PCDHGB1: variants seen among roughly 807,000 people sequenced by gnomAD.
PCDHGB1 encodes protocadherin gamma subfamily B, 1.
Under a neutral mutation model 56.6 loss-of-function variants are expected in PCDHGB1, and 34 were observed. The observed-to-expected ratio is 0.60, with a 90% CI of 0.46 to 0.80. The LOEUF (loss-of-function observed/expected upper bound fraction) is 0.80. PCDHGB1 is among the 30% of genes least tolerant of loss of function. The pLI, the probability that PCDHGB1 is intolerant of heterozygous loss-of-function variation, is 0.00. For synonymous variants in PCDHGB1, 561 were observed against 505.9 expected (o/e 1.11, Z -1.46); for missense variants, 1,278 against 1,204.6 (o/e 1.06, Z -0.90).
rs778052844 is a variant in PCDHGB1, at chr5:141,486,259, T to C, written c.2410-8548T>C. ...CAGAGCTTGGAACCCTCCCCGAGAG[T>C]GCAGAACCTGGCACTGTGGTGGCAC... is the stretch of plus-strand genomic sequence containing the variant. On this transcript the variant is annotated intron_variant, in intron 1 of 3. Coordinates refer to ENST00000523390, the MANE Select transcript of PCDHGB1 (RefSeq NM_018922.3). This position sits in a 1 kb window ranked among gnomAD's most constrained non-coding sequence, Gnocchi z 5.0. 1 of 1,613,204 alleles carries C rather than the reference T, an allele frequency of 6.2e-7. No individual in the cohort carries two copies. The highest frequency in any genetic ancestry group is 8.5e-7 in the Non-Finnish European group (1 of 1,179,716).
At chr5:141,471,492 G>A (rs912591449) in intron 1 of PCDHGB1, 1 of 152,176 alleles carries the variant, frequency 6.6e-6, no homozygotes, top group Non-Finnish European at 1.5e-5. Context: ...GGAATTTAGG[G>A]AATGCAAGAG....
intron 1 of PCDHGB1, among the ~76,000 whole-genome samples, chr5:141,467,414 C>A (rs1410743140): frequency 6.6e-5 from 10 of 152,168 alleles, no homozygotes; most frequent in African/African-American, 1.2e-4. Flanking sequence ...CCTTTCCCCA[C>A]ACCTAGGTTA....
Position 141,491,722 on chromosome 5 carries a change from CG to C in PCDHGB1, c.2410-3082del. Reference sequence around the variant, plus strand: ...CCAGGTGAGGGGCTCGGCGCCGCCCCGGGCGACCCCTGGGGGCGGCACTGGA... The same window carrying C: ...CCAGGTGAGGGGCTCGGCGCCGCCCCGGCGACCCCTGGGGGCGGCACTGGA... On this transcript the variant is annotated intron_variant, in intron 1 of 3. Transcript: ENST00000523390. The surrounding 1 kb of genome is among the most constrained non-coding windows in gnomAD (Gnocchi z 6.9). The C allele has an allele frequency of 1.2e-6, 2 of 1,607,004 alleles. No homozygotes were observed. Among genetic ancestry groups the C allele is most frequent in the Non-Finnish European group, 1.7e-6 (2 of 1,177,148 alleles).
At chr5:141,425,209 A>G (rs2096861765) in intron 1 of PCDHGB1, among the ~76,000 whole-genome samples, 1 of 152,180 alleles carries the variant, frequency 6.6e-6, no homozygotes, top group African/African-American at 2.4e-5. Context: ...GATGTAAGGC[A>G]TTGTACTTTG....
rs576464275 is a variant in PCDHGB1, at chr5:141,448,784, CA to C, written c.2410-46012del. ...TGAAACCCCGTCTGTACTAAAAATA[CA>C]AAAAAAAAAATTAGCCAGGCGTGAT... On this transcript the variant is annotated intron_variant, in intron 1 of 3. Coordinates refer to ENST00000523390, the MANE Select transcript of PCDHGB1 (RefSeq NM_018922.3). Among the ~76,000 whole-genome samples, 323 of 145,522 alleles carry C rather than the reference CA, an allele frequency of 2.2e-3. 2 individuals are homozygous for C. The highest frequency in any genetic ancestry group is 5.9e-3 in the African/African-American group (238 of 40,012).
In PCDHGB1 at chr5:141,460,999, G is replaced by GTA. The variant is rs1350972422; in HGVS notation, c.2410-33797_2410-33796dup. Reference sequence around the variant, plus strand: ...TGTGTGTGTGTATATATATATATGTGTATATATATATACCACATTTTCTTT... The same window carrying GTA: ...TGTGTGTGTGTATATATATATATGTGTATATATATATATACCACATTTTCTTT... On this transcript the variant is annotated intron_variant, in intron 1 of 3. Coordinates refer to ENST00000523390, the MANE Select transcript of PCDHGB1 (RefSeq NM_018922.3). Among the ~76,000 whole-genome samples, 54 of 149,566 alleles carry GTA rather than the reference G, an allele frequency of 3.6e-4. No homozygotes were observed. The South Asian group carries it at 4.2e-3, about 12-fold the overall frequency.
chr5:141,350,124 G>A lies in PCDHGB1; in HGVS notation c.-137G>A. On this transcript the variant is annotated 5_prime_UTR_variant, in exon 1 of 4. Coordinates refer to ENST00000523390, the MANE Select transcript of PCDHGB1 (RefSeq NM_018922.3). The stretch of plus-strand genomic sequence containing the variant: ...GCCTTCCTGCTTTGTCCGGTGCACT[G>A]AGCACAGACGCTGCTCCTGTTCACC... The A allele has an allele frequency of 1.5e-6, 1 of 668,454 alleles. No homozygotes were observed. Among genetic ancestry groups the A allele is most frequent in the Non-Finnish European group, 2.3e-6 (1 of 442,736 alleles). The allele number at this position is 668,454 out of a possible 1,614,324, so 41.4% of individuals were successfully genotyped here.
chr5:141,387,670 C>T, intron 1 of PCDHGB1: 1 of 694,130 alleles, frequency 1.4e-6, no homozygotes, highest in Non-Finnish European at 2.3e-6. Flanking sequence ...CGCTCCAGAT[C>T]TCCTCGCGCA....
chr5:141,450,220 G>A (rs898186696), intron 1 of PCDHGB1, among the ~76,000 whole-genome samples: 12 of 151,956 alleles, frequency 7.9e-5, no homozygotes, highest in African/African-American at 2.9e-4. Flanking sequence ...GTTTCACTAT[G>A]TTGGCCAGGC....
intron 1 of PCDHGB1, chr5:141,372,113 G>T (rs1466708600): frequency 1.9e-6 from 3 of 1,613,786 alleles, no homozygotes; most frequent in Non-Finnish European, 2.5e-6. Flanking sequence ...AAGGCTCTGC[G>T]CTCTTCGATA....
At chr5:141,478,283 T>C (rs755297808) in intron 1 of PCDHGB1, 2 of 1,614,148 alleles carry the variant, frequency 1.2e-6, no homozygotes, top group South Asian at 2.2e-5. Context: ...GTGGAAGCAG[T>C]CTAGAGACCT....
rs367698678 is a variant in PCDHGB1 at position 141,374,080 on chromosome 5, A to G, written c.2409+21411A>G. The G allele has an allele frequency of 6.6e-6, 10 of 1,519,950 alleles. No individual in the cohort carries two copies. In the African/African-American group the frequency reaches 1.4e-4, roughly 21 times the overall value. 94.2% of individuals were successfully genotyped at this position (1,519,950 alleles called of 1,614,324 possible). A position where few individuals can be genotyped will look rare whatever the true frequency, so the allele number is the denominator to read the frequency against. On this transcript the variant is annotated intron_variant, in intron 1 of 3. Coordinates refer to ENST00000523390, the MANE Select transcript of PCDHGB1 (RefSeq NM_018922.3). The stretch of plus-strand genomic sequence containing the variant: ...ATCCCAGAGAAGTTCCTAATAAGCC[A>G]GTAATGGCGCCTCCGCAGAGGCATC...
rs202006594 is a variant in PCDHGB1 at position 141,477,618 on chromosome 5, C to G, written c.2410-17189C>G. On this transcript the variant is annotated intron_variant, in intron 1 of 3. Coordinates refer to ENST00000523390, the MANE Select transcript of PCDHGB1 (RefSeq NM_018922.3). The surrounding 1 kb of genome is among the most constrained non-coding windows in gnomAD (Gnocchi z 4.9). ...TCTTTCTTTCTCTTGGAGCAAGGAGCTGAAACCGGGCTAGTGGGTCGCTAT... is the reference window on the plus strand; with the variant it reads ...TCTTTCTTTCTCTTGGAGCAAGGAGGTGAAACCGGGCTAGTGGGTCGCTAT... 6.2e-7 allele frequency: 1 copy of G among 1,614,176 alleles called. No individual in the cohort carries two copies. Among genetic ancestry groups the G allele is most frequent in the East Asian group, 2.2e-5 (1 of 44,890 alleles).
At chr5:141,402,870 C>G in intron 1 of PCDHGB1, 1 of 1,449,300 alleles carries the variant, frequency 6.9e-7, no homozygotes, top group Non-Finnish European at 9.1e-7. Flanking sequence ...AAAAGATCAC[C>G]ATACTTTGCA....
At position 141,510,965 on chromosome 5, in the gene PCDHGB1, C is replaced by T. The variant is rs1473736492; in HGVS notation, c.2576C>T (p.Ser859Phe). The T allele has an allele frequency of 3.1e-6, 5 of 1,614,026 alleles. No homozygotes were observed. The highest frequency in any genetic ancestry group is 4.2e-6 in the Non-Finnish European group (5 of 1,180,020). The change falls in exon 4 of 4, where the codon TCC becomes TTC. Residue 859 changes from serine (S) to phenylalanine (F), a missense_variant. Transcript: ENST00000523390. ...TCTGCAGAAGCTGCTGATGGGAGCT[C>T]CACCCTGGGAGGGGGTGCCGGCACC... ...ASASEAADGS[S>F]TLGGGAGTMG...
chr5:141,418,916 T>C (rs766021059), intron 1 of PCDHGB1: 26 of 1,613,830 alleles, frequency 1.6e-5, no homozygotes, highest in Non-Finnish European at 1.7e-6. Context: ...CACGTCACTC[T>C]CTGATCAGAT....
chr5:141,383,869 G>C (rs1311272718), intron 1 of PCDHGB1: 1 of 1,613,980 alleles, frequency 6.2e-7, no homozygotes, highest in Non-Finnish European at 8.5e-7. Context: ...GGCTCAAGAT[G>C]GTCCTGGTAG....
At chr5:141,359,845 CTT>C (rs1274862638) in intron 1 of PCDHGB1, among the ~76,000 whole-genome samples, 2 of 152,024 alleles carry the variant, frequency 1.3e-5, no homozygotes, top group African/African-American at 2.4e-5. Flanking sequence ...CAAATGAAGA[CTT>C]TATAAATTAA....
At chr5:141,356,187 T>A in intron 1 of PCDHGB1, 1 of 1,611,210 alleles carries the variant, frequency 6.2e-7, no homozygotes, top group Non-Finnish European at 8.5e-7. Flanking sequence ...GTCTCCGAGC[T>A]AGAAGCAAGG....
Sources: allele counts gnomAD v4.1 joint callset (sites outside exome capture counted in the v4.1 genomes callset), GRCh38; gene constraint gnomAD v4.1.1; non-coding constraint Gnocchi (gnomAD v3.1); transcripts MANE v1.5; gene names NCBI Gene and HGNC (gene_info 2026-07-23, HGNC 2026-07-21).